Variants in CNGB3 observed in about 807,000 individuals in gnomAD.
CNGB3 encodes cyclic nucleotide gated channel subunit beta 3.
In CNGB3, 86 loss-of-function variants were observed where a neutral mutation model predicts 92.8. That is an observed-to-expected ratio of 0.93 (90% confidence interval 0.78 to 1.11). CNGB3 has a LOEUF of 1.11. CNGB3 is among the 50% of genes least tolerant of loss of function. CNGB3 has a pLI of 0.00. For missense variants in CNGB3, 1,026 were observed against 956.8 expected (o/e 1.07, Z -0.95); for synonymous variants, 333 against 332.7 (o/e 1.00, Z -0.01).
intron 14 of CNGB3, among the ~76,000 whole-genome samples, chr8:86,608,546 A>G (rs1275764874): frequency 6.6e-6 from 1 of 152,200 alleles, no homozygotes; most frequent in Admixed American, 6.5e-5. Context: ...GCTCACCCGC[A>G]GTTATCCGGA....
At chr8:86,662,079 C>T (rs980183467) in intron 6 of CNGB3, among the ~76,000 whole-genome samples, 2 of 152,198 alleles carry the variant, frequency 1.3e-5, no homozygotes, top group African/African-American at 2.4e-5. Context: ...CCGCCGCCGC[C>T]AACTCAGTCC....
Position 86,690,368 on chromosome 8 carries a change from A to G in CNGB3, c.339-19270T>C, listed in dbSNP as rs554792686. 4.1e-3 allele frequency among the ~76,000 whole-genome samples: 629 copies of G among 152,180 alleles called. 5 individuals carry two copies. Among genetic ancestry groups the G allele is most frequent in the African/African-American group, 0.014 (601 of 41,512 alleles). ...GGCTGCATAAATGTCTTCTTTTGAG[A>G]AGTGTCTGTTCATATCCTTCGCCCA... On this transcript the variant is annotated intron_variant, in intron 3 of 17. Transcript: ENST00000320005.
At position 86,616,086 on chromosome 8, in the gene CNGB3, A is replaced by T. The variant is rs143977135; in HGVS notation, c.1579-4415T>A. Among the ~76,000 whole-genome samples, 633 of 152,290 alleles carry T rather than the reference A, an allele frequency of 4.2e-3. 19 individuals are homozygous for T. Among genetic ancestry groups the T allele is most frequent in the Admixed American group, 0.039 (590 of 15,292 alleles). On this transcript the variant is annotated intron_variant, in intron 13 of 17. Coordinates refer to ENST00000320005, the MANE Select transcript of CNGB3 (RefSeq NM_019098.5). ...CCTGAACATAGATAAGCAAACAATTAGCACTTTTCTTGGCAGGAATACACA... is the reference window on the plus strand; with the variant it reads ...CCTGAACATAGATAAGCAAACAATTTGCACTTTTCTTGGCAGGAATACACA...
intron 3 of CNGB3, among the ~76,000 whole-genome samples, chr8:86,721,787 T>C (rs1824974999): frequency 6.6e-6 from 1 of 152,220 alleles, no homozygotes; most frequent in South Asian, 2.1e-4. Context: ...GTAAACTTGA[T>C]AGCTGACATT....
At chr8:86,590,317 T>C (rs1354971061) in intron 15 of CNGB3, among the ~76,000 whole-genome samples, 1 of 152,124 alleles carries the variant, frequency 6.6e-6, no homozygotes, top group Non-Finnish European at 1.5e-5. Context: ...TGTCTTTTAA[T>C]TGGAGGATTT....
chr8:86,666,349 T>G (rs1032228104), intron 6 of CNGB3, among the ~76,000 whole-genome samples: 12 of 152,220 alleles, frequency 7.9e-5, no homozygotes, highest in Admixed American at 3.3e-4. Flanking sequence ...CTTTGTAGGC[T>G]CAAGTATTGT....
At chr8:86,649,939 A>G (rs1018493511) in intron 7 of CNGB3, among the ~76,000 whole-genome samples, 3 of 151,738 alleles carry the variant, frequency 2.0e-5, no homozygotes, top group African/African-American at 7.2e-5. Context: ...GAACTCAAAC[A>G]AATCAGCAAG....
At chr8:86,594,697 T>A (rs1204509650) in intron 15 of CNGB3, 4 of 176,856 alleles carry the variant, frequency 2.3e-5, no homozygotes, top group Non-Finnish European at 3.6e-5. Context: ...GACAGCTTTT[T>A]TGTTTGTTTG....
chr8:86,676,676 A>C (rs1823975380), intron 3 of CNGB3, among the ~76,000 whole-genome samples: 1 of 152,220 alleles, frequency 6.6e-6, no homozygotes, highest in African/African-American at 2.4e-5. Flanking sequence ...ACTACATTGA[A>C]TAATATTCTG....
chr8:86,672,176 G>A (rs546126431), intron 3 of CNGB3, among the ~76,000 whole-genome samples: 12 of 152,198 alleles, frequency 7.9e-5, no homozygotes, highest in African/African-American at 2.6e-4. Context: ...TTGGCTCACT[G>A]CAATCTCTGC....
intron 3 of CNGB3, among the ~76,000 whole-genome samples, chr8:86,696,633 A>G (rs753623571): frequency 3.3e-5 from 5 of 152,112 alleles, no homozygotes; most frequent in Non-Finnish European, 1.5e-5. Context: ...TATGATTGTT[A>G]TATCCTCTTG....
intron 3 of CNGB3, among the ~76,000 whole-genome samples, chr8:86,700,289 A>G (rs1385770805): frequency 6.6e-6 from 1 of 152,156 alleles, no homozygotes; most frequent in East Asian, 1.9e-4. Flanking sequence ...CATCTTAGGA[A>G]TTATTAAAAT....
intron 15 of CNGB3, among the ~76,000 whole-genome samples, chr8:86,580,806 T>C (rs545440055): frequency 1.6e-4 from 25 of 152,292 alleles, no homozygotes; most frequent in African/African-American, 5.5e-4. Flanking sequence ...AGGATCTGCA[T>C]TGAGAGGATA....
chr8:86,694,625 TCGC>T, intron 3 of CNGB3, among the ~76,000 whole-genome samples: 1 of 139,674 alleles, frequency 7.2e-6, no homozygotes, highest in South Asian at 2.4e-4. Flanking sequence ...CCAGACAGGG[TCGC>T]GGCCGGGCAG....
At position 86,692,791 on chromosome 8, in the gene CNGB3, C is replaced by CT. The variant is rs34755011; in HGVS notation, c.339-21694dup. Among the ~76,000 whole-genome samples, 7 of 151,332 alleles carry CT rather than the reference C, an allele frequency of 4.6e-5. No individual in the cohort carries two copies. In the South Asian group the frequency reaches 6.3e-4, roughly 14 times the overall value. On this transcript the variant is annotated intron_variant, in intron 3 of 17. Coordinates refer to ENST00000320005, the MANE Select transcript of CNGB3 (RefSeq NM_019098.5). Reference sequence around the variant, plus strand: ...ATCATGCTAGTTGTTGCCTAAATACCTTTTTTTTTCATGGTGTTATTGTTA... The same window carrying CT: ...ATCATGCTAGTTGTTGCCTAAATACCTTTTTTTTTTCATGGTGTTATTGTTA...
At chr8:86,647,005 A>G (rs1242309427) in intron 8 of CNGB3, among the ~76,000 whole-genome samples, 1 of 150,942 alleles carries the variant, frequency 6.6e-6, no homozygotes, top group Non-Finnish European at 1.5e-5. Flanking sequence ...AACCACTTTG[A>G]TGAGTTTCTT....
At chr8:86,621,979 C>T (rs969223580) in intron 13 of CNGB3, among the ~76,000 whole-genome samples, 2 of 152,002 alleles carry the variant, frequency 1.3e-5, no homozygotes, top group Non-Finnish European at 2.9e-5. Context: ...CCGGGAGGCA[C>T]AGGTTGCAGT....
At chr8:86,736,255 A>C (rs1474066529) in intron 2 of CNGB3, among the ~76,000 whole-genome samples, 1 of 152,174 alleles carries the variant, frequency 6.6e-6, no homozygotes, top group Non-Finnish European at 1.5e-5. Context: ...AAACACTAAT[A>C]ATTTTGCTTT....
At position 86,606,146 on chromosome 8, in the gene CNGB3, G is replaced by GTTTTTT. The variant is rs34987710; in HGVS notation, c.1663-1941_1663-1936dup. On this transcript the variant is annotated intron_variant, in intron 14 of 17. Transcript: ENST00000320005. ...TTTTTAAATTAAAATTTTGGGGTTG[G>GTTTTTT]TTTTTTTTTTTTTTTTTTTTTGAGA... Among the ~76,000 whole-genome samples, 199 of 91,958 alleles carry GTTTTTT rather than the reference G, an allele frequency of 2.2e-3. 3 individuals are homozygous for GTTTTTT. The highest frequency in any genetic ancestry group is 7.0e-3 in the African/African-American group (190 of 27,156). 60.3% of individuals were successfully genotyped at this position (91,958 alleles called of 152,430 possible).
Sources: gnomAD v4.1 joint callset for allele counts (sites outside exome capture counted in the v4.1 genomes callset) on GRCh38, gnomAD v4.1.1 for gene constraint, MANE v1.5 for transcripts, NCBI Gene and HGNC (gene_info 2026-07-23, HGNC 2026-07-21) for gene names.